FILIP1L: variants seen among roughly 807,000 people sequenced by gnomAD.
FILIP1L encodes filamin A interacting protein 1 like.
Under a neutral mutation model 96.6 loss-of-function variants are expected in FILIP1L, and 55 were observed. The observed-to-expected ratio is 0.57, with a 90% CI of 0.46 to 0.71. The LOEUF (loss-of-function observed/expected upper bound fraction) is 0.71. Ranked by LOEUF, FILIP1L falls within the 30% of genes least tolerant of loss-of-function variation. The pLI is 0.00. For missense variants in FILIP1L, 1,304 were observed against 1,321.2 expected, an observed-to-expected ratio of 0.99 and a Z score of 0.20; for synonymous variants, 467 against 473.9, an observed-to-expected ratio of 0.99 and a Z score of 0.19.
intron 5 of FILIP1L, among the ~76,000 whole-genome samples, chr3:99,846,304 T>C (rs1943363194): frequency 6.6e-6 from 1 of 152,236 alleles, no homozygotes; most frequent in African/African-American, 2.4e-5. Flanking sequence ...TTGGGAAGAC[T>C]TTGTTCTTAA....
intron 1 of FILIP1L, among the ~76,000 whole-genome samples, chr3:99,950,807 A>T (rs1213317205): frequency 6.6e-6 from 1 of 152,222 alleles, no homozygotes; most frequent in Non-Finnish European, 1.5e-5. Context: ...GTAAATATTC[A>T]AAACAGAGCT....
intron 1 of FILIP1L, among the ~76,000 whole-genome samples, chr3:99,986,296 A>G (rs1709340362): frequency 6.6e-6 from 1 of 152,206 alleles, no homozygotes. Context: ...TTTTTCATGA[A>G]GCTTGTGGCA....
At chr3:99,897,731 C>T (rs1353297985) in intron 4 of FILIP1L, among the ~76,000 whole-genome samples, 5 of 152,074 alleles carry the variant, frequency 3.3e-5, no homozygotes, top group Non-Finnish European at 7.4e-5. Flanking sequence ...TTTGTCATAC[C>T]ACTATCTCAT....
chr3:99,974,939 G>C (rs1708926441), intron 1 of FILIP1L, among the ~76,000 whole-genome samples: 2 of 152,120 alleles, frequency 1.3e-5, no homozygotes, highest in South Asian at 4.1e-4. Flanking sequence ...CGTGTTATTT[G>C]ATCTTTTTGA....
chr3:99,909,180 A>G (rs1468569091), intron 4 of FILIP1L, among the ~76,000 whole-genome samples: 4 of 152,214 alleles, frequency 2.6e-5, no homozygotes, highest in Admixed American at 6.5e-5. Flanking sequence ...GGTGAAAGAC[A>G]TGCAGGGAGA....
chr3:99,981,112 C>T lies in FILIP1L; in HGVS notation c.-10-50082G>A, dbSNP rs140339154. Among the ~76,000 whole-genome samples, 265 of 152,300 alleles carry T rather than the reference C, an allele frequency of 1.7e-3. 2 individuals carry two copies. In the Middle Eastern group the frequency reaches 0.02, roughly 12 times the overall value. ...ACATTTGTGTGGGATTACATACTCACACTCTGTCCGAGCATTGTGCCACTG... is the reference window on the plus strand; with the variant it reads ...ACATTTGTGTGGGATTACATACTCATACTCTGTCCGAGCATTGTGCCACTG... On this transcript the variant is annotated intron_variant, in intron 1 of 5. Coordinates refer to ENST00000477258, the MANE Select transcript of FILIP1L (RefSeq NM_001387850.1).
intron 1 of FILIP1L, among the ~76,000 whole-genome samples, chr3:99,953,328 C>T (rs1490722276): frequency 6.6e-6 from 1 of 152,052 alleles, no homozygotes; most frequent in Non-Finnish European, 1.5e-5. Context: ...ATAGGGCAAA[C>T]CAATGAAATT....
rs374540724 is a variant in FILIP1L at position 99,951,975 on chromosome 3, G to A, written c.-10-20945C>T. ...AGAGAACCTATAAGTAAGTCAATCT[G>A]CAAGAATACCTGCCCCCACACCCTT... On this transcript the variant is annotated intron_variant, in intron 1 of 5. Coordinates refer to ENST00000477258, the MANE Select transcript of FILIP1L (RefSeq NM_001387850.1). Among the ~76,000 whole-genome samples the A allele has an allele frequency of 2.1e-4, 32 of 152,288 alleles. No individual in the cohort carries two copies. In the East Asian group the frequency reaches 4.6e-3, roughly 22 times the overall value.
intron 1 of FILIP1L, among the ~76,000 whole-genome samples, chr3:100,106,253 G>A (rs2066393682): frequency 6.6e-6 from 1 of 152,136 alleles, no homozygotes; most frequent in Non-Finnish European, 1.5e-5. Context: ...GCTTCCAGCT[G>A]TGGAATACTC....
intron 1 of FILIP1L, among the ~76,000 whole-genome samples, chr3:99,989,448 A>G (rs1288396601): frequency 1.3e-5 from 2 of 152,114 alleles, no homozygotes; most frequent in Non-Finnish European, 2.9e-5. Flanking sequence ...TTTTCTGGAG[A>G]CCCAAAACTA....
chr3:100,033,470 A>G (rs1019662645), intron 1 of FILIP1L, among the ~76,000 whole-genome samples: 10 of 152,176 alleles, frequency 6.6e-5, no homozygotes, highest in Non-Finnish European at 1.3e-4. Context: ...GGTCTTGACT[A>G]ATGTTTGTAA....
intron 1 of FILIP1L, among the ~76,000 whole-genome samples, chr3:100,071,438 G>T (rs2065761579): frequency 6.6e-6 from 1 of 152,142 alleles, no homozygotes; most frequent in South Asian, 2.1e-4. Flanking sequence ...ACCTGAGAAA[G>T]ACAGTCAAAG....
chr3:99,865,985 T>C (rs1944493278), intron 4 of FILIP1L, among the ~76,000 whole-genome samples: 1 of 152,090 alleles, frequency 6.6e-6, no homozygotes, highest in African/African-American at 2.4e-5. Flanking sequence ...TCACAGGTTA[T>C]TTTCACTTAG....
chr3:99,907,272 G>C (rs1706649143), intron 4 of FILIP1L, among the ~76,000 whole-genome samples: 1 of 151,794 alleles, frequency 6.6e-6, no homozygotes, highest in South Asian at 2.1e-4. Flanking sequence ...TTTTGAGACA[G>C]AGTCTCACTC....
At chr3:99,870,459 A>G (rs1453237309) in intron 4 of FILIP1L, among the ~76,000 whole-genome samples, 1 of 152,180 alleles carries the variant, frequency 6.6e-6, no homozygotes, top group African/African-American at 2.4e-5. Context: ...TTGCATTACC[A>G]GTCAATTAAA....
At chr3:99,841,915 CAG>C (rs879802415) in intron 5 of FILIP1L, among the ~76,000 whole-genome samples, 2 of 152,168 alleles carry the variant, frequency 1.3e-5, no homozygotes, top group Non-Finnish European at 2.9e-5. Flanking sequence ...GCATGGAAAA[CAG>C]TGTGGAGATT....
intron 1 of FILIP1L, among the ~76,000 whole-genome samples, chr3:100,091,272 G>A (rs780217488): frequency 1.4e-5 from 2 of 145,982 alleles, no homozygotes; most frequent in Admixed American, 6.9e-5. Context: ...GCGACAGAGC[G>A]AGACTCCGTC....
At chr3:99,957,994 T>G (rs541592884) in intron 1 of FILIP1L, among the ~76,000 whole-genome samples, 2 of 150,240 alleles carry the variant, frequency 1.3e-5, no homozygotes, top group South Asian at 4.2e-4. Context: ...TAGCCTCTTT[T>G]TAGTTATTAG....
chr3:99,930,966 GTCTTGGAAATT>G lies in FILIP1L; in HGVS notation c.44_54del (p.Lys15ThrfsTer3). On this transcript the variant is annotated frameshift_variant, in exon 2 of 6. Transcript: ENST00000477258. LOFTEE classifies it high-confidence loss of function. ...CCTTGGAAACTGTGGCCTTTAGTAT[GTCTTGGAAATT>G]TCTTTTGGGCTGAGCCCTCGGTATC... 6.2e-7 allele frequency: 1 copy of G among 1,613,694 alleles called. No homozygotes were observed. Among genetic ancestry groups the G allele is most frequent in the Non-Finnish European group, 8.5e-7 (1 of 1,179,892 alleles).
Sources: allele counts gnomAD v4.1 joint callset (sites outside exome capture counted in the v4.1 genomes callset), GRCh38; gene constraint gnomAD v4.1.1; transcripts MANE v1.5; gene names NCBI Gene and HGNC (gene_info 2026-07-23, HGNC 2026-07-21).